TNFRSF10B: variants seen among roughly 807,000 people sequenced by gnomAD.
TNFRSF10B encodes the protein TNF receptor superfamily member 10b, also known as tumor necrosis factor receptor superfamily member 10B.
TNFRSF10B carries 35 observed loss-of-function variants against 41.4 expected under a neutral mutation model. That is an observed-to-expected ratio of 0.85 (90% CI 0.65 to 1.12). The LOEUF is 1.12. Among genes scored for constraint, TNFRSF10B ranks in the 50% most tolerant of loss-of-function variants. The probability of loss-of-function intolerance (pLI) is 0.00; values close to 1 mark genes in which losing one functional copy is unlikely to be tolerated. For synonymous variants in TNFRSF10B, 230 were observed against 215.5 expected, an observed-to-expected ratio of 1.07 and a Z score of -0.59; for missense variants, 584 against 552.7, an observed-to-expected ratio of 1.06 and a Z score of -0.57.
At chr8:23,026,307 G>T (rs34876102) in intron 7 of TNFRSF10B, among the ~76,000 whole-genome samples, 328 of 151,754 alleles carry the variant, frequency 2.2e-3, no homozygotes, top group Non-Finnish European at 4.0e-3. Context: ...AGAGTGAAGA[G>T]GAAGAGAGAA....
At chr8:23,059,210 G>A (rs1175013354) in intron 1 of TNFRSF10B, among the ~76,000 whole-genome samples, 5 of 152,174 alleles carry the variant, frequency 3.3e-5, no homozygotes, top group Non-Finnish European at 1.5e-5. Flanking sequence ...ATACTCCATT[G>A]TATGAATATA....
Position 23,068,794 on chromosome 8 carries a change from A to G in TNFRSF10B, c.101T>C (p.Val34Ala), listed in dbSNP as rs759105792. 1 of 1,608,416 alleles carries G rather than the reference A, an allele frequency of 6.2e-7. No individual in the cohort carries two copies. The highest frequency in any genetic ancestry group is 2.2e-5 in the East Asian group (1 of 44,746). Residue 34 changes from valine to alanine, a missense_variant, in exon 1 of 9, where the codon GTC becomes GCC. Transcript: ENST00000276431. ...EARGARPGPR[V>A]PKTLVLVVAA... ...GACAACGAGCACAAGGGTCTTGGGG[A>G]CCCGGGGCCCAGGCCTGGCTCCCCG...
In TNFRSF10B at chr8:23,022,957, G is replaced by A; in HGVS notation, c.1037C>T (p.Ala346Val). 6.2e-7 allele frequency: 1 copy of A among 1,613,342 alleles called. No individual in the cohort carries two copies. Among genetic ancestry groups the A allele is most frequent in the South Asian group, 1.1e-5 (1 of 91,084 alleles). Residue 346 changes from alanine (A) to valine (V), a missense_variant, in exon 9 of 9, where the codon GCA (alanine) becomes GTA (valine). Transcript: ENST00000276431. ...CCAGGAGTCAAAGGGCACCAAGTCTGCAAAGTCATCGAAGCACTGTCTCAG... is the reference window on the plus strand; with the variant it reads ...CCAGGAGTCAAAGGGCACCAAGTCTACAAAGTCATCGAAGCACTGTCTCAG... ...ETLRQCFDDF[A>V]DLVPFDSWEP...
chr8:23,020,728 G>C lies in TNFRSF10B; in HGVS notation c.*1943C>G. On this transcript the variant is annotated 3_prime_UTR_variant, in exon 9 of 9. Coordinates refer to ENST00000276431, the MANE Select transcript of TNFRSF10B (RefSeq NM_003842.5). Reference sequence around the variant, plus strand: ...AAATAAAAGAAAAATCTTAAACACTGATAAGGCTGACACTCTAGATGCATC... The same window carrying C: ...AAATAAAAGAAAAATCTTAAACACTCATAAGGCTGACACTCTAGATGCATC... 1 of 454,018 alleles carries C rather than the reference G, an allele frequency of 2.2e-6. No homozygotes were observed. Among genetic ancestry groups the C allele is most frequent in the South Asian group, 1.6e-5 (1 of 64,472 alleles). 28.1% of individuals were successfully genotyped at this position (454,018 alleles called of 1,614,324 possible).
At chr8:23,055,600 C>A (rs1812642134) in intron 1 of TNFRSF10B, among the ~76,000 whole-genome samples, 1 of 150,080 alleles carries the variant, frequency 6.7e-6, no homozygotes, top group Non-Finnish European at 1.5e-5. Context: ...TTTGCTTAGG[C>A]CTTTCCTGGG....
At chr8:23,030,927 G>A (rs1225739962) in intron 2 of TNFRSF10B, 55 bp from the exon 3 acceptor site, 2 of 1,299,250 alleles carry the variant, frequency 1.5e-6, no homozygotes, top group African/African-American at 1.5e-5. Context: ...CCCAGAAGCT[G>A]GCAGTGGTGG....
rs902289154 is a variant in TNFRSF10B, at chr8:23,053,239, T to C, written c.145-9996A>G. The stretch of plus-strand genomic sequence containing the variant: ...GTCAGACCTTACCTGCATTTCTGTC[T>C]AGGTCGTAGGCTCCATACCTAGTAT... On this transcript the variant is annotated intron_variant, in intron 1 of 8. Transcript: ENST00000276431. 2.6e-5 allele frequency among the ~76,000 whole-genome samples: 4 copies of C among 152,200 alleles called. No homozygotes were observed. In the East Asian group the frequency reaches 7.7e-4, roughly 29 times the overall value.
chr8:23,057,106 C>A (rs1812692561), intron 1 of TNFRSF10B, among the ~76,000 whole-genome samples: 1 of 145,728 alleles, frequency 6.9e-6, no homozygotes, highest in Admixed American at 6.9e-5. Flanking sequence ...GTGGTGCAAT[C>A]TTGGCTCACT....
At chr8:23,050,718 C>G (rs943290692) in intron 1 of TNFRSF10B, among the ~76,000 whole-genome samples, 6 of 152,142 alleles carry the variant, frequency 3.9e-5, no homozygotes, top group Non-Finnish European at 7.4e-5. Context: ...ATGGTCTAGC[C>G]TCATAATAAT....
chr8:23,065,698 G>A (rs1040352987), intron 1 of TNFRSF10B, among the ~76,000 whole-genome samples: 2 of 152,106 alleles, frequency 1.3e-5, no homozygotes, highest in Non-Finnish European at 2.9e-5. Context: ...TATCAGAGGA[G>A]CAAACTGATC....
At chr8:23,054,634 C>T (rs1051188458) in intron 1 of TNFRSF10B, among the ~76,000 whole-genome samples, 2 of 152,128 alleles carry the variant, frequency 1.3e-5, no homozygotes, top group African/African-American at 4.8e-5. Context: ...TGGAAACTGG[C>T]CTCATAATTT....
At chr8:23,023,120 A>G in intron 8 of TNFRSF10B, 136 bp from the exon 9 acceptor site, 1 of 1,121,148 alleles carries the variant, frequency 8.9e-7, no homozygotes, top group East Asian at 2.6e-5. Context: ...TCCAGTGCCC[A>G]CCCGCTTCCC....
At chr8:23,052,883 G>A (rs1323272617) in intron 1 of TNFRSF10B, among the ~76,000 whole-genome samples, 1 of 152,152 alleles carries the variant, frequency 6.6e-6, no homozygotes, top group African/African-American at 2.4e-5. Flanking sequence ...AATTAGCCAT[G>A]TCCCCTAGCT....
At chr8:23,056,583 G>A (rs756207545) in intron 1 of TNFRSF10B, among the ~76,000 whole-genome samples, 1 of 151,710 alleles carries the variant, frequency 6.6e-6, no homozygotes, top group South Asian at 2.1e-4. Flanking sequence ...CCAGGGAGGT[G>A]GAGGTTACAA....
rs2128810875 is a variant in TNFRSF10B at position 23,024,242 on chromosome 8, T to C, written c.955A>G (p.Arg319Gly). The part of the protein sequence containing the change: ...EHLLEPAEAE[R>G]SQRRRLLVPA... ...ACCAGCAGCCTCCTCCTCTGAGACC[T>C]TTCAGCTTCTGCCGGTTCCTGTAAC... Residue 319 changes from arginine to glycine, a missense_variant, in exon 8 of 9, where the codon AGG (arginine) becomes GGG (glycine). By Grantham distance (125) the Arg-to-Gly change is moderately radical (BLOSUM62 -2). Transcript: ENST00000276431. 6.2e-7 allele frequency: 1 copy of C among 1,614,068 alleles called. No individual in the cohort carries two copies. The highest frequency in any genetic ancestry group is 8.5e-7 in the Non-Finnish European group (1 of 1,179,970).
intron 2 of TNFRSF10B, among the ~76,000 whole-genome samples, chr8:23,031,503 C>T (rs529656095): frequency 6.6e-6 from 1 of 152,014 alleles, no homozygotes. Context: ...TCCCTCTCCC[C>T]CCGACCCACA....
intron 2 of TNFRSF10B, among the ~76,000 whole-genome samples, chr8:23,042,454 C>T (rs1229872469): frequency 6.6e-6 from 1 of 152,206 alleles, no homozygotes; most frequent in Non-Finnish European, 1.5e-5. Flanking sequence ...CAGTCAAGCA[C>T]ACTTCAGGCC....
rs1398908871 is a variant in TNFRSF10B, at chr8:23,030,753, C to G, written c.364+6G>C. On this transcript the variant is annotated splice_donor_region_variant and intron_variant, in intron 3 of 8. Coordinates refer to ENST00000276431, the MANE Select transcript of TNFRSF10B (RefSeq NM_003842.5). ...CCTTTAGGCATGGGGTCCATATGTT[C>G]TGTACCTGAATCACACCTGGTGCAG... 1.2e-6 allele frequency: 2 copies of G among 1,608,056 alleles called. No homozygotes were observed.
intron 1 of TNFRSF10B, among the ~76,000 whole-genome samples, chr8:23,065,358 G>T (rs1812952773): frequency 6.6e-6 from 1 of 152,214 alleles, no homozygotes; most frequent in South Asian, 2.1e-4. Context: ...ACCACAGGCA[G>T]GAACTCCCAG....
Sources: allele counts gnomAD v4.1 joint callset (sites outside exome capture counted in the v4.1 genomes callset), GRCh38; gene constraint gnomAD v4.1.1; transcripts MANE v1.5; gene names NCBI Gene and HGNC (gene_info 2026-07-23, HGNC 2026-07-21).